NCOA5: variants seen among roughly 807,000 people sequenced by gnomAD.
The protein encoded by NCOA5 is nuclear receptor coactivator 5.
NCOA5 carries 12 observed loss-of-function variants against 59.0 expected under a neutral mutation model. The ratio of observed to expected loss-of-function variants is 0.20; its 90% CI spans 0.13 to 0.33. The LOEUF (loss-of-function observed/expected upper bound fraction) is 0.33. Ranked by LOEUF, NCOA5 falls within the 10% of genes least tolerant of loss-of-function variation. The pLI, the probability that NCOA5 is intolerant of heterozygous loss-of-function variation, is 1.00. For synonymous variants in NCOA5, 270 were observed against 275.5 expected (o/e 0.98, Z 0.20); for missense variants, 655 against 766.6 (o/e 0.85, Z 1.72).
rs1568881031 is a variant in NCOA5 at position 46,070,354 on chromosome 20, T to C, written c.221A>G (p.Asp74Gly). The change falls in exon 3 of 8, where the codon GAC (aspartate) becomes GGC (glycine). Residue 74 changes from aspartate to glycine, a missense_variant. By Grantham distance (94) the Asp-to-Gly change is moderately conservative. Coordinates refer to ENST00000290231, the MANE Select transcript of NCOA5 (RefSeq NM_020967.3). The stretch of plus-strand genomic sequence containing the variant: ...CCGAACGTCGCGCACACTCCTGCTG[T>C]CTCTGTGATCCCGCAAATCTCTACT... ...RHSRDLRDHR[D>G]SRSVRDVRDV... The C allele has an allele frequency of 6.2e-7, 1 of 1,613,692 alleles. No homozygotes were observed. The highest frequency in any genetic ancestry group is 1.7e-5 in the Admixed American group (1 of 59,974).
intron 5 of NCOA5, among the ~76,000 whole-genome samples, chr20:46,066,477 A>T (rs570474662): frequency 6.6e-6 from 1 of 152,284 alleles, no homozygotes; most frequent in South Asian, 2.1e-4. Flanking sequence ...TTCCACTCTC[A>T]GTCTGCATGG....
intron 1 of NCOA5, among the ~76,000 whole-genome samples, chr20:46,085,425 T>C (rs920230518): frequency 1.3e-5 from 2 of 152,028 alleles, no homozygotes; most frequent in Non-Finnish European, 2.9e-5. Context: ...GGAGTCCTAA[T>C]TTTGTGTATG....
At chr20:46,079,639 C>G (rs572458720) in intron 1 of NCOA5, among the ~76,000 whole-genome samples, 186 bp from the exon 2 acceptor site, 1 of 152,314 alleles carries the variant, frequency 6.6e-6, no homozygotes, top group African/African-American at 2.4e-5. Context: ...AGTACATTGT[C>G]ACGGCTTGGT....
At chr20:46,076,213 ACC>A (rs976395817) in intron 2 of NCOA5, among the ~76,000 whole-genome samples, 103 of 147,808 alleles carry the variant, frequency 7.0e-4, no homozygotes, top group Non-Finnish European at 2.0e-4. Flanking sequence ...TGAATGATGC[ACC>A]CCCTGTGGCT....
At position 46,062,425 on chromosome 20, in the gene NCOA5, T is replaced by G; in HGVS notation, c.1615A>C (p.Ser539Arg). ...SSTGINFDNPSVQKALDTLIQ... is the reference protein window; with the variant it reads ...SSTGINFDNPRVQKALDTLIQ... ...AGGGTATCCAGAGCCTTCTGTACACTTGGATTGTCAAAGTTGATACCTGTG... is the reference window on the plus strand; with the variant it reads ...AGGGTATCCAGAGCCTTCTGTACACGTGGATTGTCAAAGTTGATACCTGTG... The change falls in exon 8 of 8, where the codon AGT becomes CGT. Residue 539 changes from serine (S) to arginine (R), a missense_variant. Around this residue, in one of 3 missense-constraint regions of NCOA5, gnomAD observed 325 missense variants for 353.2 expected, o/e 0.92. Coordinates refer to ENST00000290231, the MANE Select transcript of NCOA5 (RefSeq NM_020967.3). 1 of 1,614,102 alleles carries G rather than the reference T, an allele frequency of 6.2e-7. No homozygotes were observed. The highest frequency in any genetic ancestry group is 8.5e-7 in the Non-Finnish European group (1 of 1,180,008).
intron 2 of NCOA5, among the ~76,000 whole-genome samples, chr20:46,078,380 G>C (rs1285923016): frequency 3.3e-5 from 5 of 152,198 alleles, no homozygotes; most frequent in Non-Finnish European, 7.3e-5. Context: ...AGTTAGTTGG[G>C]TTCACAAGGT....
At chr20:46,079,528 GCAA>G (rs913151302) in intron 1 of NCOA5, 75 bp from the exon 2 acceptor site, 50 of 1,235,164 alleles carry the variant, frequency 4.0e-5, no homozygotes, top group Non-Finnish European at 5.2e-5. Context: ...TCAAATGAAA[GCAA>G]CAACAACAAA....
intron 2 of NCOA5, among the ~76,000 whole-genome samples, chr20:46,074,562 G>A (rs112566416): frequency 7.6e-4 from 115 of 152,274 alleles, no homozygotes; most frequent in Admixed American, 1.2e-3. Flanking sequence ...TCAGGAGGGG[G>A]AAAAAGGCAA....
At chr20:46,065,897 T>C (rs964476329) in intron 5 of NCOA5, among the ~76,000 whole-genome samples, 1 of 152,232 alleles carries the variant, frequency 6.6e-6, no homozygotes, top group African/African-American at 2.4e-5. Context: ...AATGCTCATT[T>C]TTTATGATTA....
chr20:46,073,051 A>T (rs191084181), intron 2 of NCOA5, among the ~76,000 whole-genome samples: 19 of 152,308 alleles, frequency 1.2e-4, no homozygotes, highest in Non-Finnish European at 2.5e-4. Flanking sequence ...ACCAAATAAG[A>T]AGTTCTCTTG....
rs1176652439 is a variant in NCOA5 at position 46,074,952 on chromosome 20, C to G, written c.39-4416G>C. On this transcript the variant is annotated intron_variant, in intron 2 of 7. Transcript: ENST00000290231. The stretch of plus-strand genomic sequence containing the variant: ...TCTTCCTTTCTGTTCACCGGAATGT[C>G]TTCCTTGGGAGGGCCAGCCTCTTTC... Among the ~76,000 whole-genome samples the G allele has an allele frequency of 2.6e-5, 4 of 152,330 alleles. No individual in the cohort carries two copies. In the East Asian group the frequency reaches 7.7e-4, roughly 29 times the overall value.
rs751397647 is a variant in NCOA5 at position 46,068,555 on chromosome 20, T to C, written c.449A>G (p.Asp150Gly). Residue 150 changes from aspartate to glycine, a missense_variant, in exon 4 of 8, where the codon GAT becomes GGT. Asp to Gly is a moderately conservative substitution (Grantham distance 94, BLOSUM62 -1). Transcript: ENST00000290231. ...TGGAGGGCCCCGTCCATCAAAGCTA[T>C]CTCTGTAACGGTCAAAATAAGAGTC... is the stretch of plus-strand genomic sequence containing the variant. ...KDDSYFDRYR[D>G]SFDGRGPPGP... The C allele has an allele frequency of 2.2e-5, 35 of 1,613,718 alleles. No homozygotes were observed. In the South Asian group the frequency reaches 3.3e-4, roughly 15 times the overall value.
chr20:46,070,067 G>A, intron 3 of NCOA5, 143 bp downstream of exon 3: 2 of 654,802 alleles, frequency 3.1e-6, no homozygotes, highest in South Asian at 4.1e-5. Context: ...AAAATTTATT[G>A]AGCAGCAGCA....
intron 1 of NCOA5, among the ~76,000 whole-genome samples, chr20:46,085,108 G>A (rs2085032572): frequency 6.6e-6 from 1 of 152,150 alleles, no homozygotes; most frequent in African/African-American, 2.4e-5. Flanking sequence ...ATAACTCACT[G>A]CAGTCTCAAA....
At chr20:46,078,122 T>A (rs1425827499) in intron 2 of NCOA5, among the ~76,000 whole-genome samples, 1 of 152,234 alleles carries the variant, frequency 6.6e-6, no homozygotes, top group African/African-American at 2.4e-5. Flanking sequence ...GGTATTGGAT[T>A]CAACTCTGCT....
At chr20:46,064,976 CATAAAGGACTA>C in intron 6 of NCOA5, 42 bp downstream of exon 6, 76 of 1,582,310 alleles carry the variant, frequency 4.8e-5, no homozygotes, top group Non-Finnish European at 6.3e-5. Flanking sequence ...CTGAGTAAGG[CATAAAGGACTA>C]ATAATGGACT....
At chr20:46,082,800 G>C (rs1243376197) in intron 1 of NCOA5, among the ~76,000 whole-genome samples, 1 of 151,946 alleles carries the variant, frequency 6.6e-6, no homozygotes, top group Non-Finnish European at 1.5e-5. Flanking sequence ...GAAAAGAACT[G>C]GAAAATAATC....
intron 1 of NCOA5, among the ~76,000 whole-genome samples, chr20:46,082,723 C>A (rs1161321156): frequency 6.6e-6 from 1 of 152,076 alleles, no homozygotes; most frequent in Non-Finnish European, 1.5e-5. Flanking sequence ...AAGTGGTGGT[C>A]TGAAAACAGT....
intron 1 of NCOA5, among the ~76,000 whole-genome samples, chr20:46,083,557 G>A (rs1000237187): frequency 1.2e-4 from 18 of 152,302 alleles, no homozygotes; most frequent in African/African-American, 4.3e-4. Context: ...TCTTTTGACA[G>A]CCACATGAAC....
Sources: gnomAD v4.1 joint callset for allele counts (sites outside exome capture counted in the v4.1 genomes callset) on GRCh38, gnomAD v4.1.1 for gene constraint, gnomAD v4.1.1 regional missense constraint, MANE v1.5 for transcripts, NCBI Gene and HGNC (gene_info 2026-07-23, HGNC 2026-07-21) for gene names.